SYNE3: variants seen among roughly 807,000 people sequenced by gnomAD.
The protein encoded by SYNE3 is nesprin-3.
SYNE3 carries 100 observed loss-of-function variants against 111.2 expected under a neutral mutation model. The observed-to-expected ratio is 0.90, with a 90% CI of 0.77 to 1.06. The LOEUF (loss-of-function observed/expected upper bound fraction) is 1.06, where lower values mean the gene tolerates loss of function less well. Ranked by LOEUF, SYNE3 falls within the 50% of genes least tolerant of loss-of-function variation. SYNE3 has a pLI of 0.00. For synonymous variants in SYNE3, 547 were observed against 533.9 expected (o/e 1.02, Z -0.34); for missense variants, 1,160 against 1,240.3 (o/e 0.94, Z 0.97).
In SYNE3 at chr14:95,437,100, C is replaced by T. The variant is rs185935331; in HGVS notation, c.2377-119G>A. 78 of 1,181,614 alleles carry T rather than the reference C, an allele frequency of 6.6e-5. No homozygotes were observed. The Middle Eastern group carries it at 1.1e-3, about 17-fold the overall frequency. The allele number at this position is 1,181,614 out of a possible 1,614,324, so 73.2% of individuals were successfully genotyped here. ...CAGGACAAGATGCCCAAAATGGCGA[C>T]GGGAGAGGCCTGGGGGATGAACAAT... On this transcript the variant is annotated intron_variant, in intron 14 of 17. Coordinates refer to ENST00000682763, the MANE Select transcript of SYNE3 (RefSeq NM_152592.6).
chr14:95,415,061 T>C lies in SYNE3; in HGVS notation c.*2765A>G, dbSNP rs1245314239. On this transcript the variant is annotated 3_prime_UTR_variant, in exon 18 of 18. Coordinates refer to ENST00000682763, the MANE Select transcript of SYNE3 (RefSeq NM_152592.6). Reference sequence around the variant, plus strand: ...CTCCTTCCCCAACATGTGGTATATGTGACAGGCTGCATACATGCCCAGTGG... The same window carrying C: ...CTCCTTCCCCAACATGTGGTATATGCGACAGGCTGCATACATGCCCAGTGG... The C allele has an allele frequency of 6.6e-6, 1 of 152,096 alleles. No homozygotes were observed. The highest frequency in any genetic ancestry group is 1.5e-5 in the Non-Finnish European group (1 of 68,026). The allele number at this position is 152,096 out of a possible 1,614,324, so 9.4% of individuals were successfully genotyped here. A position where few individuals can be genotyped will look rare whatever the true frequency, so the allele number is the denominator to read the frequency against.
At position 95,453,118 on chromosome 14, in the gene SYNE3, A is replaced by T. The variant is rs114017028; in HGVS notation, c.1138-735T>A. On this transcript the variant is annotated intron_variant, in intron 6 of 17. Coordinates refer to ENST00000682763, the MANE Select transcript of SYNE3 (RefSeq NM_152592.6). ...TTGCCACAACACAGAGCTGGCCTGG[A>T]GACCCACCTCTGTCTTTTCCTAGCT... Among the ~76,000 whole-genome samples the T allele has an allele frequency of 5.0e-3, 765 of 152,242 alleles. 7 individuals are homozygous for T. Among genetic ancestry groups the T allele is most frequent in the African/African-American group, 0.017 (726 of 41,528 alleles).
intron 1 of SYNE3, among the ~76,000 whole-genome samples, chr14:95,513,091 T>G (rs1286616388): frequency 6.6e-6 from 1 of 152,188 alleles, no homozygotes; most frequent in Non-Finnish European, 1.5e-5. Flanking sequence ...TATAAAGGCA[T>G]GTATAAAACA....
At chr14:95,456,532 A>G (rs1887449540) in intron 5 of SYNE3, among the ~76,000 whole-genome samples, 1 of 151,982 alleles carries the variant, frequency 6.6e-6, no homozygotes, top group Admixed American at 6.6e-5. Flanking sequence ...CACCCCCTCT[A>G]CCCTCTTAGG....
intron 1 of SYNE3, among the ~76,000 whole-genome samples, chr14:95,482,536 C>G (rs1210238159): frequency 1.3e-5 from 2 of 152,188 alleles, no homozygotes; most frequent in African/African-American, 4.8e-5. Context: ...CTAACCCAAT[C>G]TCGTTAGCGA....
At position 95,412,975 on chromosome 14, in the gene SYNE3, A is replaced by G. The variant is rs1488494363; in HGVS notation, c.*4851T>C. 6.6e-6 allele frequency: 1 copy of G among 152,162 alleles called. No individual in the cohort carries two copies. Among genetic ancestry groups the G allele is most frequent in the Non-Finnish European group, 1.5e-5 (1 of 68,042 alleles). 9.4% of individuals were successfully genotyped at this position (152,162 alleles called of 1,614,324 possible). A position where few individuals can be genotyped will look rare whatever the true frequency, so the allele number is the denominator to read the frequency against. The stretch of plus-strand genomic sequence containing the variant: ...TGAAGTAGGAGGGACATAATCCCAG[A>G]ATGAAGAGCCAGCGTTTGGGCAAAA... On this transcript the variant is annotated 3_prime_UTR_variant, in exon 18 of 18. Transcript: ENST00000682763.
At chr14:95,458,178 C>T (rs1221461530) in intron 4 of SYNE3, among the ~76,000 whole-genome samples, 2 of 152,188 alleles carry the variant, frequency 1.3e-5, no homozygotes, top group African/African-American at 2.4e-5. Context: ...GCTGTCTCCC[C>T]ATATCCCGTC....
At chr14:95,478,850 C>T (rs1437205007) in intron 1 of SYNE3, among the ~76,000 whole-genome samples, 5 of 152,182 alleles carry the variant, frequency 3.3e-5, no homozygotes, top group African/African-American at 9.7e-5. Context: ...GAGCCATCCC[C>T]TATCTCAGGT....
Position 95,446,019 on chromosome 14 carries a change from CA to C in SYNE3, c.1521del (p.Ile507MetfsTer20). ...TMLQLKKDLLIGIFGQERATA... is the reference protein window; with the variant it reads ...TMLQLKKDLLXGIFGQERATA... ...GTGGCTCTCTCCTGGCCAAAGATGC[CA>C]ATCAGGAGGTCTTTCTTCAGCTGCA... is the stretch of plus-strand genomic sequence containing the variant. On this transcript the variant is annotated frameshift_variant, in exon 9 of 18. Coordinates refer to ENST00000682763, the MANE Select transcript of SYNE3 (RefSeq NM_152592.6). LOFTEE classifies it high-confidence loss of function. The C allele has an allele frequency of 6.2e-7, 1 of 1,614,144 alleles. No individual in the cohort carries two copies. Among genetic ancestry groups the C allele is most frequent in the Non-Finnish European group, 8.5e-7 (1 of 1,180,036 alleles).
chr14:95,440,205 A>C, intron 11 of SYNE3, 130 bp from the exon 12 acceptor site: 1 of 1,041,750 alleles, frequency 9.6e-7, no homozygotes, highest in Non-Finnish European at 1.4e-6. Flanking sequence ...GTAGCACCAC[A>C]AGAGGCTGGG....
intron 8 of SYNE3, among the ~76,000 whole-genome samples, chr14:95,447,816 C>T (rs1886808137): frequency 6.6e-6 from 1 of 152,158 alleles, no homozygotes; most frequent in Admixed American, 6.5e-5. Flanking sequence ...CAGATCTGAG[C>T]CTCAGTTTCC....
intron 2 of SYNE3, among the ~76,000 whole-genome samples, chr14:95,468,938 C>T (rs1341354742): frequency 6.6e-6 from 1 of 152,154 alleles, no homozygotes; most frequent in African/African-American, 2.4e-5. Flanking sequence ...ATCCCAGGGC[C>T]ACTCCTTACT....
Position 95,439,641 on chromosome 14 carries a change from G to C in SYNE3, c.2217C>G (p.Ala739=). 4.3e-6 allele frequency: 7 copies of C among 1,612,748 alleles called. No individual in the cohort carries two copies. The highest frequency in any genetic ancestry group is 5.9e-6 in the Non-Finnish European group (7 of 1,180,038). ...ELRELAESWR[A]LRLLEESLLS... ...GCAGACTTTCTTCCAGCAGCCTCAA[G>C]GCCCGCCACGACTCTGCCAGCTCCC... Residue 739 remains alanine (A), a synonymous_variant, in exon 13 of 18, where the codon GCC becomes GCG. Coordinates refer to ENST00000682763, the MANE Select transcript of SYNE3 (RefSeq NM_152592.6).
intron 2 of SYNE3, among the ~76,000 whole-genome samples, chr14:95,473,977 G>A (rs1342349356): frequency 6.6e-6 from 1 of 150,996 alleles, no homozygotes; most frequent in Non-Finnish European, 1.5e-5. Context: ...ACAGTGGCTG[G>A]AGCTAAGGCC....
chr14:95,462,055 A>G (rs1432941127), intron 4 of SYNE3, among the ~76,000 whole-genome samples: 1 of 152,210 alleles, frequency 6.6e-6, no homozygotes, highest in African/African-American at 2.4e-5. Context: ...TGCCCCGCTC[A>G]GGAGCCTCTC....
rs1595160555 is a variant in SYNE3, at chr14:95,408,530, T to C, written c.*9296A>G. ...GGAGAGGCATAAAAACTCTGGACTT[T>C]GGGTAAAACGTCCTGAGCCCGATGT... On this transcript the variant is annotated 3_prime_UTR_variant, in exon 18 of 18. Transcript: ENST00000682763. 2 of 153,150 alleles carry C rather than the reference T, an allele frequency of 1.3e-5. No individual in the cohort carries two copies. The highest frequency in any genetic ancestry group is 2.1e-4 in the South Asian group (1 of 4,866). The allele number at this position is 153,150 out of a possible 1,614,324, so 9.5% of individuals were successfully genotyped here.
intron 15 of SYNE3, 107 bp downstream of exon 15, chr14:95,436,713 C>T (rs879495324): frequency 7.6e-7 from 1 of 1,319,596 alleles, no homozygotes. Context: ...CAAGGGAGAA[C>T]AGCTCACAAA....
rs372163339 is a variant in SYNE3 at position 95,470,865 on chromosome 14, G to A, written c.145-2898C>T. On this transcript the variant is annotated intron_variant, in intron 2 of 17. Transcript: ENST00000682763. The surrounding 1 kb of genome is among the most constrained non-coding windows in gnomAD (Gnocchi z 4.2). ...CCTAGCTACTCAGGAGGCTGAGGCA[G>A]GAGACTTGCTTGAACCTGGGAGGCA... Among the ~76,000 whole-genome samples, 12 of 151,786 alleles carry A rather than the reference G, an allele frequency of 7.9e-5. No homozygotes were observed. The highest frequency in any genetic ancestry group is 2.4e-4 in the African/African-American group (10 of 41,326).
chr14:95,457,607 A>G (rs1291533283), intron 4 of SYNE3, among the ~76,000 whole-genome samples: 1 of 152,184 alleles, frequency 6.6e-6, no homozygotes, highest in Non-Finnish European at 1.5e-5. Context: ...CTTGTTTGCC[A>G]CATCCTAGGA....
Sources: gnomAD v4.1 joint callset for allele counts (sites outside exome capture counted in the v4.1 genomes callset) on GRCh38, gnomAD v4.1.1 for gene constraint, Gnocchi (gnomAD v3.1) non-coding constraint, MANE v1.5 for transcripts, NCBI Gene and HGNC (gene_info 2026-07-23, HGNC 2026-07-21) for gene names.